Variants in WBP2NL observed in about 807,000 individuals in gnomAD.
The protein encoded by WBP2NL is postacrosomal sheath WW domain-binding protein.
Under a neutral mutation model 23.3 loss-of-function variants are expected in WBP2NL, and 27 were observed. The observed-to-expected ratio is 1.16, with a 90% CI of 0.85 to 1.60. The LOEUF is 1.60. Ranked by LOEUF, WBP2NL falls within the 40% of genes most tolerant of loss-of-function variation. The pLI is 0.00. For missense variants in WBP2NL, 370 were observed against 389.5 expected (o/e 0.95, Z 0.42); for synonymous variants, 151 against 145.9 (o/e 1.03, Z -0.25).
chr22:42,011,746 T>G (rs896325740), intron 1 of WBP2NL, among the ~76,000 whole-genome samples: 1 of 150,848 alleles, frequency 6.6e-6, no homozygotes, highest in Non-Finnish European at 1.5e-5. Context: ...ATCAGTTTTT[T>G]TTTTGGTTGT....
chr22:42,001,748 G>T, intron 1 of WBP2NL: 2 of 1,217,330 alleles, frequency 1.6e-6, no homozygotes, highest in Non-Finnish European at 2.4e-6. Flanking sequence ...CACTGGCCAG[G>T]TTACCGCACC....
chr22:42,023,717 G>A (rs1005436233), intron 5 of WBP2NL, among the ~76,000 whole-genome samples: 54 of 151,422 alleles, frequency 3.6e-4, no homozygotes, highest in African/African-American at 1.2e-3. Flanking sequence ...GGATGGTCTC[G>A]ATCTCCTGAC....
intron 1 of WBP2NL, among the ~76,000 whole-genome samples, chr22:42,005,820 A>T (rs1922176656): frequency 6.6e-6 from 1 of 152,210 alleles, no homozygotes; most frequent in Non-Finnish European, 1.5e-5. Flanking sequence ...AAAGAATTGT[A>T]ACAGGAAATG....
chr22:42,002,644 T>G (rs923073018), intron 1 of WBP2NL: 3 of 152,184 alleles, frequency 2.0e-5, no homozygotes, highest in African/African-American at 7.2e-5. Flanking sequence ...CAGTACTGTT[T>G]TCCCTCATTT....
chr22:42,039,225 C>T (rs1375630465), intron 8 of WBP2NL, among the ~76,000 whole-genome samples: 1 of 151,958 alleles, frequency 6.6e-6, no homozygotes, highest in Non-Finnish European at 1.5e-5. Flanking sequence ...GCGCCCACCA[C>T]CATGCCTGGC....
chr22:42,024,550 G>C (rs1177182145), intron 5 of WBP2NL, among the ~76,000 whole-genome samples: 1 of 151,810 alleles, frequency 6.6e-6, no homozygotes, highest in African/African-American at 2.4e-5. Context: ...GGTATGAAGT[G>C]GTATCTCATT....
chr22:42,006,660 G>C (rs942711455), intron 1 of WBP2NL, among the ~76,000 whole-genome samples: 1 of 152,206 alleles, frequency 6.6e-6, no homozygotes, highest in Non-Finnish European at 1.5e-5. Flanking sequence ...GGACTAAATG[G>C]CTTGTGTCAT....
At chr22:42,005,881 T>C (rs1172650706) in intron 1 of WBP2NL, among the ~76,000 whole-genome samples, 2 of 152,132 alleles carry the variant, frequency 1.3e-5, no homozygotes, top group Non-Finnish European at 2.9e-5. Context: ...ATCAAAACGG[T>C]GGCTACAAAG....
chr22:42,057,018 T>C (rs912722697), intron 8 of WBP2NL, among the ~76,000 whole-genome samples: 3 of 152,210 alleles, frequency 2.0e-5, no homozygotes, highest in Non-Finnish European at 2.9e-5. Flanking sequence ...TTATGATATG[T>C]CTAGGTATGG....
intron 1 of WBP2NL, among the ~76,000 whole-genome samples, chr22:42,007,682 C>G (rs1922381432): frequency 6.6e-6 from 1 of 152,182 alleles, no homozygotes; most frequent in Non-Finnish European, 1.5e-5. Flanking sequence ...GTTTATTTAA[C>G]TTAGCGTAAC....
intron 1 of WBP2NL, among the ~76,000 whole-genome samples, chr22:42,018,180 G>C (rs1227576196): frequency 6.6e-6 from 1 of 150,926 alleles, no homozygotes; most frequent in Non-Finnish European, 1.5e-5. Flanking sequence ...GCCAGGCGTG[G>C]TGGTGCTTGC....
At chr22:42,040,440 C>G (rs1351894891) in intron 8 of WBP2NL, among the ~76,000 whole-genome samples, 1 of 152,130 alleles carries the variant, frequency 6.6e-6, no homozygotes, top group African/African-American at 2.4e-5. Context: ...CCAGGCTAGT[C>G]TTGAACTCCT....
Position 41,998,810 on chromosome 22 carries a change from C to T in WBP2NL, c.-9C>T, listed in dbSNP as rs770945106. ...TCCATCTACGGGGCGGCAGGAGGCC[C>T]GAAGCAAGATGGCGGTGAATCAGAG... On this transcript the variant is annotated 5_prime_UTR_variant, in exon 1 of 6. Coordinates refer to ENST00000328823, the MANE Select transcript of WBP2NL (RefSeq NM_152613.3). The T allele has an allele frequency of 3.0e-5, 49 of 1,607,956 alleles. No individual in the cohort carries two copies. Among genetic ancestry groups the T allele is most frequent in the Non-Finnish European group, 4.0e-5 (47 of 1,176,502 alleles).
At chr22:42,009,301 C>T (rs1922592138) in intron 1 of WBP2NL, among the ~76,000 whole-genome samples, 1 of 152,194 alleles carries the variant, frequency 6.6e-6, no homozygotes, top group Non-Finnish European at 1.5e-5. Flanking sequence ...CTTTGATACA[C>T]AATTTTTAAG....
At chr22:42,026,286 A>AATG (rs1924481372) in intron 5 of WBP2NL, among the ~76,000 whole-genome samples, 3 of 124,986 alleles carry the variant, frequency 2.4e-5, no homozygotes, top group Non-Finnish European at 4.6e-5. Context: ...TAATAATAAT[A>AATG]ATAATAATAA....
intron 1 of WBP2NL, among the ~76,000 whole-genome samples, chr22:42,005,710 TG>T (rs762037739): frequency 1.3e-5 from 2 of 152,226 alleles, no homozygotes; most frequent in Non-Finnish European, 2.9e-5. Flanking sequence ...TTCCATTCAA[TG>T]GGAGCCAAAA....
intron 8 of WBP2NL, among the ~76,000 whole-genome samples, chr22:42,055,065 A>T (rs541217389): frequency 6.6e-6 from 1 of 151,504 alleles, no homozygotes; most frequent in Non-Finnish European, 1.5e-5. Context: ...CTTGAGATGG[A>T]GTTTTGCTCT....
At chr22:42,019,953 G>T in intron 3 of WBP2NL, 51 bp from the exon 4 acceptor site, 1 of 1,601,728 alleles carries the variant, frequency 6.2e-7, no homozygotes, top group Admixed American at 1.7e-5. Context: ...CAGTCTTTCT[G>T]TTGTCAGCTA....
intron 1 of WBP2NL, among the ~76,000 whole-genome samples, chr22:42,004,351 TG>T (rs1341789944): frequency 6.6e-6 from 1 of 152,280 alleles, no homozygotes; most frequent in Admixed American, 6.5e-5. Context: ...CCCAGAACTT[TG>T]GGAGGCTGAG....
Sources: gnomAD v4.1 joint callset for allele counts (sites outside exome capture counted in the v4.1 genomes callset) on GRCh38, gnomAD v4.1.1 for gene constraint, MANE v1.5 for transcripts, NCBI Gene and HGNC (gene_info 2026-07-23, HGNC 2026-07-21) for gene names.